NTM: variants seen among roughly 807,000 people sequenced by gnomAD.
NTM encodes neurotrimin.
A neutral mutation model predicts 42.1 loss-of-function variants in NTM; 13 were observed. The ratio of observed to expected loss-of-function variants is 0.31; its 90% CI spans 0.20 to 0.49. The LOEUF is 0.49. Ranked by LOEUF, NTM falls within the 20% of genes least tolerant of loss-of-function variation. NTM has a pLI of 0.99. For synonymous variants in NTM, 187 were observed against 179.2 expected (o/e 1.04, Z -0.35); for missense variants, 373 against 452.8 (o/e 0.82, Z 1.60).
intron 1 of NTM, among the ~76,000 whole-genome samples, chr11:131,712,166 AAAAAATT>A (rs1231929727): frequency 1.4e-5 from 2 of 141,358 alleles, no homozygotes; most frequent in African/African-American, 5.3e-5. Context: ...AATAAAAATT[AAAAAATT>A]AAAAAAAAAA....
chr11:131,419,926 C>A (rs7108020), intron 1 of NTM, among the ~76,000 whole-genome samples: 111,227 of 152,048 alleles, frequency 0.73, 41,462 homozygotes, highest in East Asian at 0.9. Context: ...TCTGTGCCCA[C>A]GAATGCTGTT....
rs1422568899 is a variant in NTM at position 131,836,917 on chromosome 11, C to T, written c.83-74647C>T. ...TGATTTTGCTCCTGGTGATGTGTAA[C>T]AAATCCATTGTGTGATTAGTAATAA... On this transcript the variant is annotated intron_variant, in intron 1 of 8. Transcript: ENST00000683400. 2.0e-5 allele frequency among the ~76,000 whole-genome samples: 3 copies of T among 152,198 alleles called. No homozygotes were observed. In the East Asian group the frequency reaches 5.8e-4, roughly 29 times the overall value.
chr11:131,910,964 T>C (rs2054788814), intron 1 of NTM: 7 of 995,896 alleles, frequency 7.0e-6, no homozygotes, highest in Admixed American at 5.4e-5. Context: ...CCATCTGCTA[T>C]TGTTTCCGAT....
intron 1 of NTM, among the ~76,000 whole-genome samples, chr11:131,691,177 G>C (rs984648879): frequency 2.0e-5 from 3 of 152,170 alleles, no homozygotes; most frequent in Non-Finnish European, 4.4e-5. Context: ...GGCCACCCCC[G>C]GCCCTGCACC....
intron 1 of NTM, among the ~76,000 whole-genome samples, chr11:131,625,365 G>A (rs1933310414): frequency 6.6e-6 from 1 of 152,148 alleles, no homozygotes; most frequent in Admixed American, 6.5e-5. Context: ...GGCAGAGGAA[G>A]GAACAGGTGC....
chr11:131,635,662 TATTTA>T (rs767267276), intron 1 of NTM, among the ~76,000 whole-genome samples: 1 of 152,188 alleles, frequency 6.6e-6, no homozygotes, highest in Non-Finnish European at 1.5e-5. Context: ...TAATTTAGTG[TATTTA>T]ATTTTTATTA....
intron 2 of NTM, chr11:131,981,483 T>G (rs2065227461): frequency 6.6e-6 from 1 of 152,190 alleles, no homozygotes; most frequent in Non-Finnish European, 1.5e-5. Flanking sequence ...GGATGATTCA[T>G]TGGCATGAAG....
chr11:131,610,550 C>T (rs61446670), intron 1 of NTM, among the ~76,000 whole-genome samples: 5,401 of 152,260 alleles, frequency 0.035, 302 homozygotes, highest in African/African-American at 0.12. Flanking sequence ...GCAAGGAGAG[C>T]TTGGTTTTAA....
At chr11:132,155,280 T>A (rs767214288) in intron 3 of NTM, among the ~76,000 whole-genome samples, 2 of 152,324 alleles carry the variant, frequency 1.3e-5, no homozygotes. Context: ...TAGAAGTGTT[T>A]TTGTGTCCCA....
At chr11:131,479,529 C>T (rs1188249108) in intron 1 of NTM, among the ~76,000 whole-genome samples, 1 of 152,164 alleles carries the variant, frequency 6.6e-6, no homozygotes, top group Admixed American at 6.5e-5. Flanking sequence ...AAAAAGGAGG[C>T]TGCAGCCAGA....
In NTM at chr11:132,314,552, A is replaced by G. The variant is rs2095372992; in HGVS notation, c.783A>G (p.Arg261=). ...CTTTTTTGTCTTTTGTTTCTCTCAG[A>G]CTGATTGAAGGAAAGAAAGGGGTGA... is the stretch of plus-strand genomic sequence containing the variant. ...AEFQWYKDDK[R]LIEGKKGVKV... Residue 261 remains arginine, a splice_region_variant and synonymous_variant, in exon 7 of 9, where the codon AGA becomes AGG. Coordinates refer to ENST00000683400, the MANE Select transcript of NTM (RefSeq NM_001352005.2). 2 of 1,611,316 alleles carry G rather than the reference A, an allele frequency of 1.2e-6. No homozygotes were observed. The highest frequency in any genetic ancestry group is 1.1e-5 in the South Asian group (1 of 90,324).
At chr11:131,627,935 G>A (rs566743858) in intron 1 of NTM, among the ~76,000 whole-genome samples, 5 of 152,248 alleles carry the variant, frequency 3.3e-5, no homozygotes, top group Non-Finnish European at 7.4e-5. Flanking sequence ...ATGTTTTAGT[G>A]CTTGGACAAA....
chr11:131,379,054 G>A (rs1324579039), intron 1 of NTM, among the ~76,000 whole-genome samples: 1 of 152,172 alleles, frequency 6.6e-6, no homozygotes, highest in Non-Finnish European at 1.5e-5. Context: ...AGGGCTACTG[G>A]CAGATTTGTG....
chr11:131,701,322 C>CGCCTAGAACCA (rs2076050564), intron 1 of NTM, among the ~76,000 whole-genome samples: 1 of 152,162 alleles, frequency 6.6e-6, no homozygotes, highest in Non-Finnish European at 1.5e-5. Context: ...AAATGAGAAA[C>CGCCTAGAACCA]TGTATGTAAA....
At chr11:131,911,279 TG>T in intron 1 of NTM, 3 of 1,424,256 alleles carry the variant, frequency 2.1e-6, no homozygotes, top group Non-Finnish European at 2.7e-6. Context: ...TTTCCGAGGC[TG>T]GCAAAAGCCG....
intron 4 of NTM, among the ~76,000 whole-genome samples, chr11:132,220,385 G>C (rs2084897020): frequency 6.6e-6 from 1 of 152,116 alleles, no homozygotes; most frequent in Non-Finnish European, 1.5e-5. Flanking sequence ...CTAGATAGAT[G>C]CAGTTAGGGT....
intron 1 of NTM, among the ~76,000 whole-genome samples, chr11:131,622,279 G>T (rs1273676307): frequency 1.3e-5 from 2 of 152,276 alleles, no homozygotes; most frequent in Non-Finnish European, 2.9e-5. Flanking sequence ...GAGGAAAGAT[G>T]TATAAAAATA....
intron 2 of NTM, among the ~76,000 whole-genome samples, chr11:132,044,368 G>C (rs2077687085): frequency 6.6e-6 from 1 of 152,082 alleles, no homozygotes; most frequent in African/African-American, 2.4e-5. Flanking sequence ...CCTTTTCCCT[G>C]CAATACCTGG....
At chr11:131,826,249 C>T (rs1369599824) in intron 1 of NTM, among the ~76,000 whole-genome samples, 8 of 152,116 alleles carry the variant, frequency 5.3e-5, no homozygotes, top group African/African-American at 9.6e-5. Flanking sequence ...GAGGGAGTTG[C>T]CCACTAGATT....
Sources: gnomAD v4.1 joint callset for allele counts (sites outside exome capture counted in the v4.1 genomes callset) on GRCh38, gnomAD v4.1.1 for gene constraint, MANE v1.5 for transcripts, NCBI Gene and HGNC (gene_info 2026-07-23, HGNC 2026-07-21) for gene names.